SLC8A1: variants seen among roughly 807,000 people sequenced by gnomAD.
SLC8A1 encodes the protein sodium/calcium exchanger 1.
A neutral mutation model predicts 68.3 loss-of-function variants in SLC8A1; 18 were observed. The ratio of observed to expected loss-of-function variants is 0.26; its 90% confidence interval spans 0.18 to 0.39. The LOEUF is 0.39. Among genes scored for constraint, SLC8A1 ranks in the 10% least tolerant of loss-of-function variants. SLC8A1 has a pLI of 1.00. For synonymous variants in SLC8A1, 475 were observed against 415.5 expected, an observed-to-expected ratio of 1.14 and a Z score of -1.74; for missense variants, 985 against 1,156.7, an observed-to-expected ratio of 0.85 and a Z score of 2.15.
chr2:40,493,229 G>C (rs1705441113), intron 1 of SLC8A1, among the ~76,000 whole-genome samples: 2 of 151,826 alleles, frequency 1.3e-5, no homozygotes, highest in East Asian at 3.9e-4. Context: ...ATCATTCTCA[G>C]TAAACTATTG....
At chr2:40,373,006 T>C (rs1164964803) in intron 2 of SLC8A1, among the ~76,000 whole-genome samples, 1 of 151,118 alleles carries the variant, frequency 6.6e-6, no homozygotes, top group Admixed American at 6.6e-5. Flanking sequence ...GCAATCCCCG[T>C]CAAAATGTAC....
intron 1 of SLC8A1, among the ~76,000 whole-genome samples, chr2:40,495,956 C>A (rs1352555972): frequency 6.6e-6 from 1 of 152,092 alleles, no homozygotes; most frequent in African/African-American, 2.4e-5. Context: ...AATTATCTAT[C>A]TGTCTATCAA....
At chr2:40,264,463 A>G (rs1399005154) in intron 2 of SLC8A1, among the ~76,000 whole-genome samples, 2 of 152,126 alleles carry the variant, frequency 1.3e-5, no homozygotes, top group Non-Finnish European at 2.9e-5. Context: ...ATGTCCAACA[A>G]TGATAGACTG....
At chr2:40,232,579 C>G (rs2148904149) in intron 2 of SLC8A1, among the ~76,000 whole-genome samples, 1 of 147,722 alleles carries the variant, frequency 6.8e-6, no homozygotes, top group East Asian at 2.0e-4. Flanking sequence ...TTTTCCATTA[C>G]TGTCCAACTT....
At chr2:40,129,498 A>G (rs2038890272) in intron 7 of SLC8A1, among the ~76,000 whole-genome samples, 1 of 152,130 alleles carries the variant, frequency 6.6e-6, no homozygotes, top group Non-Finnish European at 1.5e-5. Context: ...GGCCTCCCAA[A>G]GTGTGGGGAT....
At chr2:40,420,914 G>A (rs553852037) in intron 2 of SLC8A1, among the ~76,000 whole-genome samples, 137 of 152,298 alleles carry the variant, frequency 9.0e-4, no homozygotes, top group African/African-American at 3.0e-3. Context: ...GTGTGACCCA[G>A]AGAAAGTTAA....
intron 2 of SLC8A1, among the ~76,000 whole-genome samples, chr2:40,426,265 A>G (rs1696830725): frequency 6.6e-6 from 1 of 152,080 alleles, no homozygotes. Flanking sequence ...ACAATTTTAT[A>G]GAGCAAGAAA....
exon 8 of SLC8A1, chr2:40,099,929 A>G (rs114213132): frequency 5.5e-4 from 83 of 152,204 alleles, no homozygotes; most frequent in African/African-American, 1.9e-3. Flanking sequence ...AGTATGTACA[A>G]TATGCTAGTT....
chr2:40,334,276 A>G (rs1017534765), intron 2 of SLC8A1, among the ~76,000 whole-genome samples: 4 of 152,212 alleles, frequency 2.6e-5, no homozygotes, highest in African/African-American at 9.7e-5. Context: ...GGAAAGAAAA[A>G]GTACCATGTA....
At chr2:40,420,195 C>T (rs1695095761) in intron 2 of SLC8A1, among the ~76,000 whole-genome samples, 1 of 152,068 alleles carries the variant, frequency 6.6e-6, no homozygotes, top group African/African-American at 2.4e-5. Context: ...AACTGCCATG[C>T]AGGTCACTTA....
At chr2:40,494,040 A>G (rs1392839150) in intron 1 of SLC8A1, among the ~76,000 whole-genome samples, 1 of 151,764 alleles carries the variant, frequency 6.6e-6, no homozygotes, top group African/African-American at 2.4e-5. Context: ...TCTACCTGAA[A>G]GTGTGTGCTT....
intron 2 of SLC8A1, among the ~76,000 whole-genome samples, chr2:40,226,997 G>A (rs999105836): frequency 5.3e-5 from 8 of 152,042 alleles, no homozygotes; most frequent in African/African-American, 1.9e-4. Flanking sequence ...TTTAACAACA[G>A]GGACATTACT....
Position 40,211,974 on chromosome 2 carries a change from T to C in SLC8A1, c.1809-34119A>G, listed in dbSNP as rs71439284. Among the ~76,000 whole-genome samples, 114 of 152,358 alleles carry C rather than the reference T, an allele frequency of 7.5e-4. 1 individual carries two copies. The highest frequency in any genetic ancestry group is 1.5e-3 in the Non-Finnish European group (101 of 68,040). On this transcript the variant is annotated intron_variant, in intron 2 of 7. Coordinates refer to ENST00000406785, the Ensembl canonical transcript of SLC8A1. ...ATGCCCACATAATATCATAATTCTA[T>C]ACCTAATCCAAATTTGATGAACAAA...
intron 2 of SLC8A1, among the ~76,000 whole-genome samples, chr2:40,308,259 T>C (rs2073029952): frequency 6.6e-6 from 1 of 152,252 alleles, no homozygotes; most frequent in East Asian, 1.9e-4. Flanking sequence ...TGAATCAAAT[T>C]GGAGTGATAT....
intron 2 of SLC8A1, among the ~76,000 whole-genome samples, chr2:40,301,627 CA>C (rs1473853139): frequency 1.3e-5 from 2 of 152,156 alleles, no homozygotes; most frequent in African/African-American, 2.4e-5. Flanking sequence ...TAAAAGACTA[CA>C]AATTGGGGCT....
intron 1 of SLC8A1, among the ~76,000 whole-genome samples, chr2:40,484,250 G>A (rs1704811316): frequency 1.3e-5 from 2 of 152,148 alleles, no homozygotes; most frequent in Admixed American, 1.3e-4. Context: ...GTGGTAGTGG[G>A]AGCAGCAGCA....
chr2:40,248,360 T>C (rs1408410922), intron 2 of SLC8A1, among the ~76,000 whole-genome samples: 1 of 152,090 alleles, frequency 6.6e-6, no homozygotes. Flanking sequence ...TGGGAAGTGA[T>C]TAGGTCACTC....
chr2:40,418,801 A>C (rs1278872029), intron 2 of SLC8A1, among the ~76,000 whole-genome samples: 1 of 152,204 alleles, frequency 6.6e-6, no homozygotes, highest in Non-Finnish European at 1.5e-5. Flanking sequence ...GAGGGCAGCC[A>C]AACTGTGACA....
intron 2 of SLC8A1, among the ~76,000 whole-genome samples, chr2:40,386,243 G>T (rs1478923908): frequency 1.3e-5 from 2 of 151,438 alleles, no homozygotes; most frequent in Middle Eastern, 3.4e-3. Context: ...TACAGCTGGA[G>T]ATAATTTATA....
Sources: gnomAD v4.1 joint callset for allele counts (sites outside exome capture counted in the v4.1 genomes callset) on GRCh38, gnomAD v4.1.1 for gene constraint, MANE v1.5 for transcripts, NCBI Gene and HGNC (gene_info 2026-07-23, HGNC 2026-07-21) for gene names.